TMEM178B: variants seen among roughly 807,000 people sequenced by gnomAD.
The protein encoded by TMEM178B is transmembrane protein 178B.
In TMEM178B, 5 loss-of-function variants were observed where a neutral mutation model predicts 31.0. The ratio of observed to expected loss-of-function variants is 0.16; its 90% CI spans 0.08 to 0.34. The LOEUF is 0.34. Ranked by LOEUF, TMEM178B falls within the 10% of genes least tolerant of loss-of-function variation. TMEM178B has a pLI of 1.00. For missense variants in TMEM178B, 275 were observed against 400.3 expected, an observed-to-expected ratio of 0.69 and a Z score of 2.67; for synonymous variants, 164 against 164.0, an observed-to-expected ratio of 1.00 and a Z score of 0.00.
At chr7:141,106,012 T>C (rs1338427285) in intron 1 of TMEM178B, among the ~76,000 whole-genome samples, 1 of 150,786 alleles carries the variant, frequency 6.6e-6, no homozygotes, top group Non-Finnish European at 1.5e-5. Context: ...TGAGAATTGC[T>C]TGAGCCTGGG....
intron 1 of TMEM178B, among the ~76,000 whole-genome samples, chr7:141,211,806 C>A (rs1163107572): frequency 6.6e-6 from 1 of 152,176 alleles, no homozygotes; most frequent in African/African-American, 2.4e-5. Flanking sequence ...CCCTGGAGGG[C>A]TGATTTAAAT....
At chr7:141,365,511 A>T (rs910462145) in intron 2 of TMEM178B, among the ~76,000 whole-genome samples, 8 of 152,036 alleles carry the variant, frequency 5.3e-5, no homozygotes, top group African/African-American at 1.9e-4. Context: ...TAAAATGGGG[A>T]TTGTAGGGAT....
intron 3 of TMEM178B, among the ~76,000 whole-genome samples, chr7:141,449,996 G>A (rs1172171874): frequency 6.6e-6 from 1 of 152,208 alleles, no homozygotes; most frequent in Non-Finnish European, 1.5e-5. Context: ...TCCTAACAGA[G>A]TCTGGGCTAC....
intron 2 of TMEM178B, among the ~76,000 whole-genome samples, chr7:141,289,168 A>G (rs1460226826): frequency 6.6e-6 from 1 of 152,192 alleles, no homozygotes; most frequent in Admixed American, 6.5e-5. Flanking sequence ...CGCGGAACAC[A>G]TGCCTTTGCC....
chr7:141,432,876 C>G (rs891861731), intron 2 of TMEM178B, among the ~76,000 whole-genome samples: 2 of 152,146 alleles, frequency 1.3e-5, no homozygotes, highest in Non-Finnish European at 2.9e-5. Context: ...GTAGAGGGGT[C>G]TGAGGGGCGG....
intron 2 of TMEM178B, among the ~76,000 whole-genome samples, chr7:141,289,499 T>C (rs1447703927): frequency 6.6e-6 from 1 of 152,052 alleles, no homozygotes; most frequent in Admixed American, 6.5e-5. Flanking sequence ...GCAGATCACA[T>C]GAGGTCAGGA....
chr7:141,443,133 T>C (rs1255859733), intron 3 of TMEM178B, among the ~76,000 whole-genome samples: 1 of 152,228 alleles, frequency 6.6e-6, no homozygotes, highest in East Asian at 1.9e-4. Context: ...ATAGACCTTA[T>C]TTTTAGAACA....
At chr7:141,270,551 T>G (rs1798165318) in intron 2 of TMEM178B, among the ~76,000 whole-genome samples, 1 of 152,236 alleles carries the variant, frequency 6.6e-6, no homozygotes, top group Admixed American at 6.5e-5. Flanking sequence ...CCAAGAGTTG[T>G]TTCACTACCT....
intron 2 of TMEM178B, among the ~76,000 whole-genome samples, chr7:141,347,205 G>C (rs1328912403): frequency 6.6e-6 from 1 of 152,136 alleles, no homozygotes; most frequent in Non-Finnish European, 1.5e-5. Flanking sequence ...AGCAGTGCGA[G>C]AACGAGAACA....
At chr7:141,200,530 G>A (rs184051276) in intron 1 of TMEM178B, among the ~76,000 whole-genome samples, 1 of 152,270 alleles carries the variant, frequency 6.6e-6, no homozygotes, top group East Asian at 1.9e-4. Flanking sequence ...AGGGGATTCC[G>A]TGAATATGGA....
intron 2 of TMEM178B, among the ~76,000 whole-genome samples, chr7:141,296,228 C>A (rs374731111): frequency 6.6e-6 from 1 of 151,974 alleles, no homozygotes; most frequent in South Asian, 2.1e-4. Context: ...CCATCACGCT[C>A]GTCTAATTTT....
At chr7:141,206,923 A>G (rs993198483) in intron 1 of TMEM178B, among the ~76,000 whole-genome samples, 8 of 152,230 alleles carry the variant, frequency 5.3e-5, no homozygotes, top group African/African-American at 1.9e-4. Flanking sequence ...GTATCTGTTG[A>G]ATGGAATCTC....
intron 2 of TMEM178B, among the ~76,000 whole-genome samples, chr7:141,387,542 C>A (rs1461277393): frequency 1.3e-5 from 2 of 152,324 alleles, no homozygotes; most frequent in East Asian, 3.9e-4. Flanking sequence ...TCAGGGCAGA[C>A]AAATCCCCCC....
At chr7:141,400,017 G>T (rs902189374) in intron 2 of TMEM178B, among the ~76,000 whole-genome samples, 11 of 152,072 alleles carry the variant, frequency 7.2e-5, no homozygotes, top group African/African-American at 2.7e-4. Flanking sequence ...ACTCTGTGTT[G>T]GGTTCTGGGA....
chr7:141,095,301 A>T (rs572578115), intron 1 of TMEM178B, among the ~76,000 whole-genome samples: 1 of 152,282 alleles, frequency 6.6e-6, no homozygotes, highest in East Asian at 1.9e-4. Flanking sequence ...TCCAATTTGG[A>T]AACCATGTGA....
At chr7:141,274,538 C>T (rs1798235751) in intron 2 of TMEM178B, among the ~76,000 whole-genome samples, 1 of 152,116 alleles carries the variant, frequency 6.6e-6, no homozygotes, top group Admixed American at 6.5e-5. Flanking sequence ...CCAAAGAAGG[C>T]CCACCCCCTT....
chr7:141,487,740 T>TGA, the TMEM178B span, among the ~76,000 whole-genome samples: 1 of 37,058 alleles, frequency 2.7e-5, no homozygotes, highest in African/African-American at 1.2e-4. Context: ...AGACTCCGTC[T>TGA]CAAAAAAAAA....
At chr7:141,127,493 A>G (rs974351534) in intron 1 of TMEM178B, among the ~76,000 whole-genome samples, 5 of 152,212 alleles carry the variant, frequency 3.3e-5, no homozygotes, top group South Asian at 4.1e-4. Flanking sequence ...GTACAGAGAC[A>G]CACAGAGGGG....
chr7:141,139,069 G>C (rs1045656186), intron 1 of TMEM178B, among the ~76,000 whole-genome samples: 1 of 152,052 alleles, frequency 6.6e-6, no homozygotes, highest in African/African-American at 2.4e-5. Flanking sequence ...GTTTTCAGGA[G>C]GGTTTTTTCT....
Sources: allele counts gnomAD v4.1 joint callset (sites outside exome capture counted in the v4.1 genomes callset), GRCh38; gene constraint gnomAD v4.1.1; transcripts MANE v1.5; gene names NCBI Gene and HGNC (gene_info 2026-07-23, HGNC 2026-07-21).